Variants in CDH13 observed in about 807,000 individuals in gnomAD.
The protein encoded by CDH13 is cadherin 13, also known as cadherin-13.
Under a neutral mutation model 63.8 loss-of-function variants are expected in CDH13, and 24 were observed. That is an observed-to-expected ratio of 0.38 (90% CI 0.27 to 0.53). The LOEUF is 0.53. Among genes scored for constraint, CDH13 ranks in the 20% least tolerant of loss-of-function variants. CDH13 has a pLI of 0.85. For missense variants in CDH13, 1,049 were observed against 903.1 expected (o/e 1.16, Z -2.07); for synonymous variants, 503 against 355.3 (o/e 1.42, Z -4.67).
chr16:82,654,060 C>T (rs1911031849), intron 1 of CDH13, among the ~76,000 whole-genome samples: 1 of 152,092 alleles, frequency 6.6e-6, no homozygotes, highest in Admixed American at 6.5e-5. Flanking sequence ...GAGAGGATTC[C>T]CCTTATGACA....
At chr16:83,407,824 T>A (rs9935337) in intron 6 of CDH13, among the ~76,000 whole-genome samples, 1 of 151,522 alleles carries the variant, frequency 6.6e-6, no homozygotes, top group Non-Finnish European at 1.5e-5. Context: ...ACTCATCTGT[T>A]TTCTTTTTGT....
At position 82,970,975 on chromosome 16, in the gene CDH13, C is replaced by G. The variant is rs1011927571; in HGVS notation, c.158-61035C>G. Reference sequence around the variant, plus strand: ...ACAAATAAATGTTTAAAAGGTTTCACATAGACTAGGTTGCAAAATCCATAG... The same window carrying G: ...ACAAATAAATGTTTAAAAGGTTTCAGATAGACTAGGTTGCAAAATCCATAG... On this transcript the variant is annotated intron_variant, in intron 2 of 13. Coordinates refer to ENST00000567109, the MANE Select transcript of CDH13 (RefSeq NM_001257.5). Among the ~76,000 whole-genome samples the G allele has an allele frequency of 3.9e-5, 6 of 152,286 alleles. No individual in the cohort carries two copies. In the South Asian group the frequency reaches 1.2e-3, roughly 32 times the overall value.
intron 7 of CDH13, among the ~76,000 whole-genome samples, chr16:83,557,407 A>G (rs1265148413): frequency 1.3e-5 from 2 of 152,170 alleles, no homozygotes; most frequent in Non-Finnish European, 2.9e-5. Flanking sequence ...GTCCGTGGAA[A>G]AATTGCCTTC....
chr16:82,699,768 A>G lies in CDH13; in HGVS notation c.45+72631A>G, dbSNP rs928710404. 3.3e-5 allele frequency among the ~76,000 whole-genome samples: 5 copies of G among 152,378 alleles called. No individual in the cohort carries two copies. The East Asian group carries it at 9.6e-4, about 29-fold the overall frequency. ...TGCCACAGAACAAACGTAACAGGAT[A>G]TTAAGATAATCTCTTTTGTCTATGC... On this transcript the variant is annotated intron_variant, in intron 1 of 13. Transcript: ENST00000567109.
intron 1 of CDH13, among the ~76,000 whole-genome samples, chr16:82,715,549 G>C (rs988652680): frequency 6.6e-5 from 10 of 152,140 alleles, no homozygotes; most frequent in Admixed American, 2.6e-4. Context: ...CAGATTAGCT[G>C]GTGAACTGGT....
chr16:83,776,952 G>T (rs940451885), intron 11 of CDH13, among the ~76,000 whole-genome samples: 1 of 73,604 alleles, frequency 1.4e-5, no homozygotes, highest in African/African-American at 6.6e-5. Context: ...GGGCACTTCC[G>T]CCAAGCTGCA....
At chr16:83,330,527 C>G (rs963263410) in intron 5 of CDH13, among the ~76,000 whole-genome samples, 4 of 152,146 alleles carry the variant, frequency 2.6e-5, no homozygotes, top group African/African-American at 9.7e-5. Flanking sequence ...GAGGCCAACC[C>G]AAAGTGCTAA....
At chr16:82,633,585 G>A (rs1018470736) in intron 1 of CDH13, among the ~76,000 whole-genome samples, 1 of 152,102 alleles carries the variant, frequency 6.6e-6, no homozygotes, top group Admixed American at 6.5e-5. Context: ...CACTGTCTTG[G>A]CCAGGCTGGT....
At chr16:83,246,033 G>T (rs1252982319) in intron 5 of CDH13, among the ~76,000 whole-genome samples, 1 of 152,146 alleles carries the variant, frequency 6.6e-6, no homozygotes, top group Non-Finnish European at 1.5e-5. Flanking sequence ...CACTGCGCCT[G>T]GCCCAAATTC....
intron 6 of CDH13, among the ~76,000 whole-genome samples, chr16:83,415,251 G>A (rs895507635): frequency 2.0e-5 from 3 of 152,060 alleles, no homozygotes; most frequent in East Asian, 1.9e-4. Flanking sequence ...AAGTCCGAAC[G>A]GACCCATAAC....
At position 82,854,401 on chromosome 16, in the gene CDH13, A is replaced by T. The variant is rs1170272358; in HGVS notation, c.46-3961A>T. ...GGGTGACAGAGCAAGGCTCTGTCTC[A>T]AAAAAAAAAAAAAAAACAGTAAAAA... On this transcript the variant is annotated intron_variant, in intron 1 of 13. Coordinates refer to ENST00000567109, the MANE Select transcript of CDH13 (RefSeq NM_001257.5). Among the ~76,000 whole-genome samples, 16 of 4,302 alleles carry T rather than the reference A, an allele frequency of 3.7e-3. No homozygotes were observed. In the South Asian group the frequency reaches 0.26, roughly 70 times the overall value. The allele number at this position is 4,302 out of a possible 152,430, so 2.8% of individuals were successfully genotyped here.
At chr16:83,444,947 GA>G (rs1265264887) in intron 6 of CDH13, among the ~76,000 whole-genome samples, 1 of 82,954 alleles carries the variant, frequency 1.2e-5, no homozygotes, top group African/African-American at 4.3e-5. Flanking sequence ...TTGCAGGTAG[GA>G]AATTAAAGCT....
chr16:82,674,669 T>A (rs1006920997), intron 1 of CDH13, among the ~76,000 whole-genome samples: 2 of 152,210 alleles, frequency 1.3e-5, no homozygotes, highest in African/African-American at 4.8e-5. Flanking sequence ...TTGAGAAATA[T>A]GAGATGTGTC....
chr16:83,062,089 CCT>C (rs1187593677), intron 3 of CDH13, among the ~76,000 whole-genome samples: 1 of 152,160 alleles, frequency 6.6e-6, no homozygotes, highest in Admixed American at 6.5e-5. Context: ...AGTGCTGTGG[CCT>C]CTCTTGGATG....
chr16:83,041,821 C>A (rs887822871), intron 3 of CDH13, among the ~76,000 whole-genome samples: 2 of 152,164 alleles, frequency 1.3e-5, no homozygotes, highest in African/African-American at 4.8e-5. Flanking sequence ...ATACTCTGGC[C>A]TTGTGTGGAT....
intron 6 of CDH13, among the ~76,000 whole-genome samples, chr16:83,475,034 C>A (rs1391694205): frequency 6.6e-6 from 1 of 152,218 alleles, no homozygotes; most frequent in Non-Finnish European, 1.5e-5. Flanking sequence ...CCAGGCCTTC[C>A]GCCATCTGGC....
At chr16:83,421,349 T>C (rs1190221958) in intron 6 of CDH13, among the ~76,000 whole-genome samples, 1 of 152,174 alleles carries the variant, frequency 6.6e-6, no homozygotes, top group Non-Finnish European at 1.5e-5. Flanking sequence ...TCATATAAAG[T>C]GATTGAAGGT....
intron 1 of CDH13, among the ~76,000 whole-genome samples, chr16:82,821,799 AT>A (rs1256963621): frequency 1.3e-5 from 2 of 152,188 alleles, no homozygotes; most frequent in Non-Finnish European, 2.9e-5. Flanking sequence ...GAAGTGTAGG[AT>A]TTAGAAAGGC....
rs374803410 is a variant in CDH13, at chr16:83,477,175, T to G, written c.782-9302T>G. Among the ~76,000 whole-genome samples, 127 of 152,324 alleles carry G rather than the reference T, an allele frequency of 8.3e-4. 1 individual carries two copies. The South Asian group carries it at 0.023, about 28-fold the overall frequency. On this transcript the variant is annotated intron_variant, in intron 6 of 13. Coordinates refer to ENST00000567109, the MANE Select transcript of CDH13 (RefSeq NM_001257.5). ...ATGAAAACCTGAAATAATCACAAGG[T>G]GGTCCTGTTGCCATCATCTCTTTAT...
Sources: allele counts gnomAD v4.1 joint callset (sites outside exome capture counted in the v4.1 genomes callset), GRCh38; gene constraint gnomAD v4.1.1; transcripts MANE v1.5; gene names NCBI Gene and HGNC (gene_info 2026-07-23, HGNC 2026-07-21).